The following SCD variants were observed in gnomAD, a reference collection of about 807,000 sequenced individuals.
SCD encodes stearoyl-CoA desaturase.
In SCD, 4 loss-of-function variants were observed where a neutral mutation model predicts 35.7. That is an observed-to-expected ratio of 0.11 (90% CI 0.06 to 0.26). The LOEUF (loss-of-function observed/expected upper bound fraction) is 0.26, where lower values mean the gene tolerates loss of function less well. Ranked by LOEUF, SCD falls within the 10% of genes least tolerant of loss-of-function variation. The pLI, the probability that SCD is intolerant of heterozygous loss-of-function variation, is 1.00. For missense variants in SCD, 282 were observed against 460.7 expected (o/e 0.61, Z 3.55); for synonymous variants, 150 against 170.2 (o/e 0.88, Z 0.92).
rs572289479 is a variant in SCD, at chr10:100,356,916, C to T, written c.880+152C>T. On this transcript the variant is annotated intron_variant, in intron 5 of 5. Coordinates refer to ENST00000370355, the MANE Select transcript of SCD (RefSeq NM_005063.5). The surrounding 1 kb of genome is among the most constrained non-coding windows in gnomAD (Gnocchi z 4.1). ...AATTAGGGGGCAGTATACTGGAAAA[C>T]GCTTTTGAGAGTCAGGCAACATGTT... 18 of 632,644 alleles carry T rather than the reference C, an allele frequency of 2.8e-5. No individual in the cohort carries two copies. Among genetic ancestry groups the T allele is most frequent in the African/African-American group, 7.3e-5 (4 of 54,426 alleles). The allele number at this position is 632,644 out of a possible 1,614,324, so 39.2% of individuals were successfully genotyped here. A position where few individuals can be genotyped will look rare whatever the true frequency, so the allele number is the denominator to read the frequency against.
intron 2 of SCD, among the ~76,000 whole-genome samples, chr10:100,350,664 C>T (rs1000726671): frequency 1.3e-5 from 2 of 152,198 alleles, no homozygotes; most frequent in Admixed American, 6.5e-5. Flanking sequence ...TGAGTTCTTT[C>T]CCCAATTTCC....
At position 100,356,623 on chromosome 10, in the gene SCD, T is replaced by C. The variant is rs1436110446; in HGVS notation, c.739T>C (p.Phe247Leu). ...GGGTGAAACTTTTCAAAACAGTGTG[T>C]TCGTTGCCACTTTCTTGCGATATGC... ...FWGETFQNSV[F>L]VATFLRYAVV... Residue 247 changes from phenylalanine (F) to leucine (L), a missense_variant, in exon 5 of 6, where the codon TTC becomes CTC. Phe to Leu is a conservative substitution (Grantham distance 22). This residue lies in a region of SCD where 205 missense variants were observed against 372.3 expected (regional missense o/e 0.55). Transcript: ENST00000370355. The surrounding 1 kb of genome is among the most constrained non-coding windows in gnomAD (Gnocchi z 4.1). 6.2e-7 allele frequency: 1 copy of C among 1,614,248 alleles called. No homozygotes were observed. The highest frequency in any genetic ancestry group is 1.7e-5 in the Admixed American group (1 of 60,030).
rs1849826138 is a variant in SCD at position 100,348,227 on chromosome 10, GC to G, written c.194del (p.Pro65GlnfsTer28). The G allele has an allele frequency of 6.2e-7, 1 of 1,613,968 alleles. No individual in the cohort carries two copies. The highest frequency in any genetic ancestry group is 1.7e-5 in the Admixed American group (1 of 59,996). ...GACCCCACCTACAAGGATAAGGAAG[GC>G]CCAAGCCCCAAGGTTGAATATGTCT... The part of the protein sequence containing the change: ...IYDPTYKDKE[G>X]PSPKVEYVWR... On this transcript the variant is annotated frameshift_variant, in exon 2 of 6. Coordinates refer to ENST00000370355, the MANE Select transcript of SCD (RefSeq NM_005063.5). LOFTEE classifies it high-confidence loss of function.
chr10:100,359,883 G>T (rs991625969), intron 5 of SCD, among the ~76,000 whole-genome samples: 1 of 152,230 alleles, frequency 6.6e-6, no homozygotes, highest in African/African-American at 2.4e-5. Context: ...ACACGTTAGA[G>T]AAATTGCTGT....
In SCD at chr10:100,360,967, C is replaced by T. The variant is rs1849984635; in HGVS notation, c.*34C>T. The T allele has an allele frequency of 6.3e-7, 1 of 1,579,876 alleles. No homozygotes were observed. The highest frequency in any genetic ancestry group is 8.7e-7 in the Non-Finnish European group (1 of 1,151,004). On this transcript the variant is annotated 3_prime_UTR_variant, in exon 6 of 6. Transcript: ENST00000370355. ...TCCCTCAGGTTCCTTTTTCAAAAAC[C>T]AGCCAGGCAGAGGTTTTAATGTCTG...
chr10:100,350,563 T>G (rs1849860108), intron 2 of SCD, among the ~76,000 whole-genome samples: 1 of 152,062 alleles, frequency 6.6e-6, no homozygotes, highest in African/African-American at 2.4e-5. Flanking sequence ...TTTCCTCCCC[T>G]GGGGAGGAGA....
chr10:100,356,842 A>T lies in SCD; in HGVS notation c.880+78A>T. 1.7e-6 allele frequency: 2 copies of T among 1,181,062 alleles called. No individual in the cohort carries two copies. The highest frequency in any genetic ancestry group is 2.5e-6 in the Non-Finnish European group (2 of 811,318). 73.2% of individuals were successfully genotyped at this position (1,181,062 alleles called of 1,614,324 possible). A position where few individuals can be genotyped will look rare whatever the true frequency, so the allele number is the denominator to read the frequency against. ...TTAGGCTAGGAGCCAGAAAAACTAG[A>T]TAAATCTGTTTTTTATGGCTACTTT... On this transcript the variant is annotated intron_variant, in intron 5 of 5. Transcript: ENST00000370355. The surrounding 1 kb of genome is among the most constrained non-coding windows in gnomAD (Gnocchi z 4.1).
Position 100,348,230 on chromosome 10 carries a change from C to T in SCD, c.194C>T (p.Pro65Leu). The T allele has an allele frequency of 6.2e-7, 1 of 1,614,128 alleles. No individual in the cohort carries two copies. Among genetic ancestry groups the T allele is most frequent in the East Asian group, 2.2e-5 (1 of 44,880 alleles). The change falls in exon 2 of 6, where the codon CCA becomes CTA. Residue 65 changes from proline to leucine, a missense_variant. This residue lies in a region of SCD where 77 missense variants were observed against 88.4 expected (regional missense o/e 0.87). Coordinates refer to ENST00000370355, the MANE Select transcript of SCD (RefSeq NM_005063.5). The part of the protein sequence containing the change: ...YDPTYKDKEG[P>L]SPKVEYVWRN... The stretch of plus-strand genomic sequence containing the variant: ...CCCACCTACAAGGATAAGGAAGGCC[C>T]AAGCCCCAAGGTTGAATATGTCTGG...
chr10:100,361,503 T>C lies in SCD; in HGVS notation c.*570T>C, dbSNP rs200132173. 3 of 154,352 alleles carry C rather than the reference T, an allele frequency of 1.9e-5. No individual in the cohort carries two copies. The highest frequency in any genetic ancestry group is 4.3e-5 in the Non-Finnish European group (3 of 69,496). 9.6% of individuals were successfully genotyped at this position (154,352 alleles called of 1,614,324 possible). A position where few individuals can be genotyped will look rare whatever the true frequency, so the allele number is the denominator to read the frequency against. ...GGGAGAGAGTTAGCATGTATGAATG[T>C]AAGGATGAGGGAAGCGAAGCAAGAG... is the stretch of plus-strand genomic sequence containing the variant. On this transcript the variant is annotated 3_prime_UTR_variant, in exon 6 of 6. Coordinates refer to ENST00000370355, the MANE Select transcript of SCD (RefSeq NM_005063.5).
Position 100,348,267 on chromosome 10 carries a change from C to T in SCD, c.231C>T (p.Ile77=), listed in dbSNP as rs761187545. ...TTGAATATGTCTGGAGAAACATCAT[C>T]CTTATGTCTCTGCTACACTTGGGAG... ...PKVEYVWRNI[I]LMSLLHLGAL... The change falls in exon 2 of 6, where the codon ATC becomes ATT. Residue 77 remains isoleucine (I), a synonymous_variant. Coordinates refer to ENST00000370355, the MANE Select transcript of SCD (RefSeq NM_005063.5). 1 of 1,614,018 alleles carries T rather than the reference C, an allele frequency of 6.2e-7. No individual in the cohort carries two copies. The highest frequency in any genetic ancestry group is 8.5e-7 in the Non-Finnish European group (1 of 1,179,918).
intron 1 of SCD, 36 bp from the exon 2 acceptor site, chr10:100,348,028 C>G: frequency 1.2e-5 from 19 of 1,601,304 alleles, no homozygotes; most frequent in Non-Finnish European, 1.6e-5. Context: ...CTCCACGTGT[C>G]TCTTCTCCTG....
chr10:100,353,656 T>C (rs35307910), intron 3 of SCD, among the ~76,000 whole-genome samples: 285 of 151,988 alleles, frequency 1.9e-3, no homozygotes, highest in Non-Finnish European at 3.2e-3. Flanking sequence ...ATCATAGTCA[T>C]TAAGCTGTAG....
chr10:100,354,387 C>T, intron 3 of SCD, 40 bp from the exon 4 acceptor site: 1 of 1,560,230 alleles, frequency 6.4e-7, no homozygotes, highest in South Asian at 1.1e-5. Flanking sequence ...AATAGGGTGT[C>T]TATCCTCAAG....
intron 5 of SCD, among the ~76,000 whole-genome samples, chr10:100,358,124 C>T (rs992555989): frequency 2.0e-5 from 3 of 152,124 alleles, no homozygotes; most frequent in African/African-American, 7.2e-5. Context: ...TTCAGCCTCC[C>T]AAGTAACTGG....
chr10:100,348,620 A>G (rs887630102), intron 2 of SCD, among the ~76,000 whole-genome samples: 1 of 152,040 alleles, frequency 6.6e-6, no homozygotes, highest in African/African-American at 2.4e-5. Flanking sequence ...TCCCTGAAAG[A>G]GCTTTTCTGT....
In SCD at chr10:100,364,503, T is replaced by C. The variant is rs1225437223; in HGVS notation, c.*3570T>C. 1 of 152,634 alleles carries C rather than the reference T, an allele frequency of 6.6e-6. No homozygotes were observed. The highest frequency in any genetic ancestry group is 6.5e-5 in the Admixed American group (1 of 15,274). The allele number at this position is 152,634 out of a possible 1,614,324, so 9.5% of individuals were successfully genotyped here. On this transcript the variant is annotated 3_prime_UTR_variant, in exon 6 of 6. Transcript: ENST00000370355. ...CTGAGTATTTTTTATAATAGGAATG[T>C]CCACCATGAACTTGATACGTCCGTG...
intron 4 of SCD, among the ~76,000 whole-genome samples, chr10:100,355,732 C>T (rs1441301253): frequency 6.6e-6 from 1 of 152,116 alleles, no homozygotes; most frequent in Non-Finnish European, 1.5e-5. Context: ...ATGTAAAAGT[C>T]AAAGACTTGA....
Position 100,356,785 on chromosome 10 carries a change from A to G in SCD, c.880+21A>G. 8 of 1,593,458 alleles carry G rather than the reference A, an allele frequency of 5.0e-6. No individual in the cohort carries two copies. The highest frequency in any genetic ancestry group is 6.9e-6 in the Non-Finnish European group (8 of 1,161,624). On this transcript the variant is annotated intron_variant, in intron 5 of 5. Transcript: ENST00000370355. This position sits in a 1 kb window ranked among gnomAD's most constrained non-coding sequence, Gnocchi z 4.1. ...TGTGGGTAAGTCAGCTGTCCAAGTAAGACTACATCCAGTGGTCTGCTGATT... is the reference window on the plus strand; with the variant it reads ...TGTGGGTAAGTCAGCTGTCCAAGTAGGACTACATCCAGTGGTCTGCTGATT...
chr10:100,349,485 G>C (rs898766402), intron 2 of SCD, among the ~76,000 whole-genome samples: 1 of 152,222 alleles, frequency 6.6e-6, no homozygotes, highest in Non-Finnish European at 1.5e-5. Flanking sequence ...GGTAGGCCAA[G>C]TTTTAGCTGT....
Sources: gnomAD v4.1 joint callset for allele counts (sites outside exome capture counted in the v4.1 genomes callset) on GRCh38, gnomAD v4.1.1 for gene constraint, gnomAD v4.1.1 regional missense constraint, Gnocchi (gnomAD v3.1) non-coding constraint, MANE v1.5 for transcripts, NCBI Gene and HGNC (gene_info 2026-07-23, HGNC 2026-07-21) for gene names.